Variants in PTPN9 observed in about 807,000 individuals in gnomAD.
PTPN9 encodes tyrosine-protein phosphatase non-receptor type 9.
In PTPN9, 26 loss-of-function variants were observed where a neutral mutation model predicts 69.8. The observed-to-expected ratio is 0.37, with a 90% CI of 0.27 to 0.52. The LOEUF (loss-of-function observed/expected upper bound fraction) is 0.52. PTPN9 is among the 20% of genes least tolerant of loss of function. The pLI is 0.91. For missense variants in PTPN9, 549 were observed against 740.3 expected (o/e 0.74, Z 3.00); for synonymous variants, 274 against 272.5 (o/e 1.01, Z -0.05).
chr15:75,521,550 T>TA (rs1300248826), intron 4 of PTPN9, among the ~76,000 whole-genome samples: 4 of 151,922 alleles, frequency 2.6e-5, no homozygotes, highest in Non-Finnish European at 5.9e-5. Flanking sequence ...ACATTGGTTT[T>TA]AAAAAAACGG....
chr15:75,559,532 C>T (rs551025609), intron 1 of PTPN9, among the ~76,000 whole-genome samples: 3 of 152,184 alleles, frequency 2.0e-5, no homozygotes, highest in East Asian at 1.9e-4. Flanking sequence ...GGATTAAGGG[C>T]GGTGCAAGAT....
chr15:75,559,021 G>A (rs930771723), intron 1 of PTPN9, among the ~76,000 whole-genome samples: 29 of 151,320 alleles, frequency 1.9e-4, no homozygotes, highest in Admixed American at 1.3e-3. Context: ...CCCTCTGCCC[G>A]GCTGCCAGGT....
intron 1 of PTPN9, among the ~76,000 whole-genome samples, chr15:75,550,015 CT>C (rs1376408324): frequency 2.0e-5 from 3 of 151,856 alleles, no homozygotes; most frequent in Non-Finnish European, 2.9e-5. Context: ...TGATAAACTC[CT>C]TTTTCCGTTT....
At position 75,537,190 on chromosome 15, in the gene PTPN9, A is replaced by G. The variant is rs547717557; in HGVS notation, c.64-9929T>C. 9.2e-5 allele frequency among the ~76,000 whole-genome samples: 14 copies of G among 151,480 alleles called. No homozygotes were observed. The South Asian group carries it at 2.1e-3, about 23-fold the overall frequency. ...AATATGGCAAAACTCCGTCTCTACT[A>G]AAAATACAAAACTTAGCTGGGCATG... On this transcript the variant is annotated intron_variant, in intron 1 of 12. Transcript: ENST00000618819.
Position 75,530,667 on chromosome 15 carries a change from CT to C in PTPN9, c.64-3407del, listed in dbSNP as rs1356125749. 1.0e-3 allele frequency among the ~76,000 whole-genome samples: 43 copies of C among 41,656 alleles called. 8 individuals carry two copies. Among genetic ancestry groups the C allele is most frequent in the South Asian group, 4.2e-3 (6 of 1,438 alleles). 27.3% of individuals were successfully genotyped at this position (41,656 alleles called of 152,430 possible). ...ATAATATATATTATTATATAATATA[CT>C]ATTATATATATTATTATATTATAAT... On this transcript the variant is annotated intron_variant, in intron 1 of 12. Transcript: ENST00000618819.
At chr15:75,482,933 CGACAGAGCGA>C (rs2074652054) in intron 8 of PTPN9, among the ~76,000 whole-genome samples, 1 of 151,126 alleles carries the variant, frequency 6.6e-6, no homozygotes. Context: ...CCAGCCTGAG[CGACAGAGCGA>C]GACTCTGTCT....
intron 2 of PTPN9, 39 bp from the exon 3 acceptor site, chr15:75,524,337 T>A: frequency 7.6e-7 from 1 of 1,320,554 alleles, no homozygotes; most frequent in Non-Finnish European, 1.1e-6. Context: ...AATATGAAAA[T>A]ACTGTATATC....
chr15:75,469,097 A>G, intron 12 of PTPN9, 114 bp from the exon 13 acceptor site: 1 of 1,002,398 alleles, frequency 1.0e-6, no homozygotes, highest in Middle Eastern at 2.7e-4. Flanking sequence ...GCCTCATGGC[A>G]GAAGGCCAGG....
At chr15:75,523,301 T>G (rs1477204082) in intron 3 of PTPN9, 56 bp from the exon 4 acceptor site, 3 of 1,566,610 alleles carry the variant, frequency 1.9e-6, no homozygotes, top group Non-Finnish European at 2.6e-6. Flanking sequence ...TCACAGCAAT[T>G]ACTAAGACTT....
intron 10 of PTPN9, among the ~76,000 whole-genome samples, chr15:75,472,021 C>G (rs545649079): frequency 7.2e-5 from 11 of 152,318 alleles, no homozygotes; most frequent in African/African-American, 2.4e-4. Flanking sequence ...CTCCCACTAC[C>G]TCCTCTCCAA....
At chr15:75,521,776 G>A (rs1313898205) in intron 4 of PTPN9, among the ~76,000 whole-genome samples, 1 of 152,296 alleles carries the variant, frequency 6.6e-6, no homozygotes, top group East Asian at 1.9e-4. Context: ...AAACAAGACT[G>A]TTACAGATCA....
At chr15:75,484,839 C>A (rs573017721) in intron 8 of PTPN9, among the ~76,000 whole-genome samples, 1 of 152,298 alleles carries the variant, frequency 6.6e-6, no homozygotes, top group East Asian at 1.9e-4. Context: ...GCAGTCTGAA[C>A]TGTCAGTATC....
In PTPN9 at chr15:75,463,302, A is replaced by C. The variant is rs140208837; in HGVS notation, c.*5467T>G. ...AAAATACATTTTTTCACAGAAGAAA[A>C]TTCATTAAAAGTCAAGAAAGAGCCC... On this transcript the variant is annotated 3_prime_UTR_variant, in exon 13 of 13. Coordinates refer to ENST00000618819, the MANE Select transcript of PTPN9 (RefSeq NM_002833.4). 3.3e-5 allele frequency: 5 copies of C among 152,206 alleles called. No homozygotes were observed. Among genetic ancestry groups the C allele is most frequent in the Non-Finnish European group, 7.3e-5 (5 of 68,036 alleles). 9.4% of individuals were successfully genotyped at this position (152,206 alleles called of 1,614,324 possible).
In PTPN9 at chr15:75,463,850, T is replaced by G. The variant is rs1452717918; in HGVS notation, c.*4919A>C. The G allele has an allele frequency of 1.3e-5, 2 of 152,222 alleles. No homozygotes were observed. Among genetic ancestry groups the G allele is most frequent in the African/African-American group, 4.8e-5 (2 of 41,438 alleles). The allele number at this position is 152,222 out of a possible 1,614,324, so 9.4% of individuals were successfully genotyped here. ...GAGAAAAAGATGGTTCCCAGGCTGA[T>G]GGGCATTTCCATTCCTGCCCTTGGT... On this transcript the variant is annotated 3_prime_UTR_variant, in exon 13 of 13. Transcript: ENST00000618819.
intron 1 of PTPN9, among the ~76,000 whole-genome samples, chr15:75,546,835 G>C (rs955060573): frequency 6.6e-6 from 1 of 151,898 alleles, no homozygotes; most frequent in Non-Finnish European, 1.5e-5. Flanking sequence ...AATTGAAAGG[G>C]TTTCAAGAAG....
At chr15:75,545,394 C>T (rs532482544) in intron 1 of PTPN9, among the ~76,000 whole-genome samples, 13 of 151,726 alleles carry the variant, frequency 8.6e-5, no homozygotes, top group African/African-American at 2.4e-4. Flanking sequence ...ATAGTGAGAC[C>T]CCCCCATCTC....
At chr15:75,492,316 T>C (rs1346331061) in intron 7 of PTPN9, among the ~76,000 whole-genome samples, 1 of 152,106 alleles carries the variant, frequency 6.6e-6, no homozygotes, top group African/African-American at 2.4e-5. Flanking sequence ...CAAAGAGTGT[T>C]CAACTCATTT....
chr15:75,512,753 TC>T, intron 5 of PTPN9: 2 of 258,962 alleles, frequency 7.7e-6, no homozygotes. Flanking sequence ...ATTTTTAAAA[TC>T]CCCCAGAAAA....
chr15:75,513,508 T>A (rs780229510), intron 5 of PTPN9: 3 of 425,970 alleles, frequency 7.0e-6, no homozygotes, highest in Non-Finnish European at 1.4e-5. Context: ...GGATCACACC[T>A]GTAATCCCAG....
Sources: allele counts gnomAD v4.1 joint callset (sites outside exome capture counted in the v4.1 genomes callset), GRCh38; gene constraint gnomAD v4.1.1; transcripts MANE v1.5; gene names NCBI Gene and HGNC (gene_info 2026-07-23, HGNC 2026-07-21).